The following PDE3A variants were observed in gnomAD, a reference collection of about 807,000 sequenced individuals.
PDE3A encodes phosphodiesterase 3A.
Under a neutral mutation model 98.3 loss-of-function variants are expected in PDE3A, and 43 were observed. That is an observed-to-expected ratio of 0.44 (90% CI 0.34 to 0.56). PDE3A has a LOEUF of 0.56. Ranked by LOEUF, PDE3A falls within the 20% of genes least tolerant of loss-of-function variation. PDE3A has a pLI of 0.01. For missense variants in PDE3A, 1,427 were observed against 1,440.7 expected (o/e 0.99, Z 0.15); for synonymous variants, 663 against 567.9 (o/e 1.17, Z -2.38).
At chr12:20,581,130 A>G (rs2121342735) in intron 2 of PDE3A, among the ~76,000 whole-genome samples, 1 of 152,342 alleles carries the variant, frequency 6.6e-6, no homozygotes, top group East Asian at 1.9e-4. Flanking sequence ...TTCTTTTAAA[A>G]TTATGAAAAG....
intron 15 of PDE3A, among the ~76,000 whole-genome samples, chr12:20,672,804 C>G (rs1945522427): frequency 1.5e-5 from 2 of 134,172 alleles, no homozygotes; most frequent in Non-Finnish European, 1.6e-5. Context: ...GACTTCATGT[C>G]TAAAACACCA....
At chr12:20,435,746 A>C (rs1156345560) in intron 1 of PDE3A, among the ~76,000 whole-genome samples, 1 of 152,188 alleles carries the variant, frequency 6.6e-6, no homozygotes, top group Admixed American at 6.5e-5. Flanking sequence ...AGAAATGCTC[A>C]GTTGTTTTTA....
chr12:20,593,285 C>T (rs12319835), intron 2 of PDE3A, among the ~76,000 whole-genome samples: 2,880 of 152,152 alleles, frequency 0.019, 76 homozygotes, highest in African/African-American at 0.065. Context: ...AGGGATGAGG[C>T]ATTAGTAGAG....
At chr12:20,677,841 T>C (rs551455220) in intron 15 of PDE3A, among the ~76,000 whole-genome samples, 1 of 152,246 alleles carries the variant, frequency 6.6e-6, no homozygotes, top group South Asian at 2.1e-4. Context: ...GTGCAGGCAG[T>C]AGCATAGTCT....
chr12:20,578,792 A>AT (rs1942999910), intron 2 of PDE3A, among the ~76,000 whole-genome samples: 1 of 152,098 alleles, frequency 6.6e-6, no homozygotes, highest in Non-Finnish European at 1.5e-5. Flanking sequence ...ATGATCACCT[A>AT]TAAAGTGAGC....
intron 9 of PDE3A, among the ~76,000 whole-genome samples, chr12:20,638,887 G>A (rs1443422338): frequency 6.6e-6 from 1 of 151,834 alleles, no homozygotes; most frequent in Non-Finnish European, 1.5e-5. Context: ...TCTTATAGAA[G>A]AAGAAACTAA....
intron 1 of PDE3A, among the ~76,000 whole-genome samples, chr12:20,474,788 T>G (rs1354704342): frequency 6.6e-6 from 1 of 152,158 alleles, no homozygotes; most frequent in Non-Finnish European, 1.5e-5. Flanking sequence ...CACTGGGGAT[T>G]ATATTTAGGC....
chr12:20,501,506 T>G (rs949933373), intron 1 of PDE3A, among the ~76,000 whole-genome samples: 1 of 152,170 alleles, frequency 6.6e-6, no homozygotes, highest in African/African-American at 2.4e-5. Context: ...ACAACCTTGT[T>G]TGTGCCAAGT....
chr12:20,463,460 G>T (rs1333853381), intron 1 of PDE3A, among the ~76,000 whole-genome samples: 1 of 152,094 alleles, frequency 6.6e-6, no homozygotes, highest in East Asian at 1.9e-4. Flanking sequence ...TGTTATACTT[G>T]TTATTTATTG....
At chr12:20,387,697 A>G (rs1381182059) in intron 1 of PDE3A, among the ~76,000 whole-genome samples, 1 of 152,054 alleles carries the variant, frequency 6.6e-6, no homozygotes, top group Middle Eastern at 3.2e-3. Flanking sequence ...AAATTAGGAT[A>G]GCTGATTGCT....
chr12:20,401,952 T>C (rs1272235312), intron 1 of PDE3A, among the ~76,000 whole-genome samples: 1 of 152,216 alleles, frequency 6.6e-6, no homozygotes, highest in African/African-American at 2.4e-5. Context: ...TAAGTATATG[T>C]TATCTCATTA....
chr12:20,495,972 A>G (rs976403007), intron 1 of PDE3A, among the ~76,000 whole-genome samples: 27 of 152,218 alleles, frequency 1.8e-4, no homozygotes, highest in Admixed American at 1.5e-3. Context: ...TGTTAAAATA[A>G]ATCATTTAAT....
chr12:20,520,627 A>G (rs974970880), intron 1 of PDE3A, among the ~76,000 whole-genome samples: 3 of 152,208 alleles, frequency 2.0e-5, no homozygotes, highest in African/African-American at 7.2e-5. Flanking sequence ...GCTTATGAAA[A>G]CATAAAGTAG....
chr12:20,551,503 A>C (rs1383357189), intron 1 of PDE3A: 45 of 904,892 alleles, frequency 5.0e-5, no homozygotes, highest in Non-Finnish European at 7.0e-5. Context: ...TGGTGGAGCG[A>C]TTTGTCTGGT....
Position 20,634,915 on chromosome 12 carries a change from A to C in PDE3A, c.1860A>C (p.Gln620His). The C allele has an allele frequency of 1.2e-6, 2 of 1,609,712 alleles. No homozygotes were observed. The highest frequency in any genetic ancestry group is 1.7e-6 in the Non-Finnish European group (2 of 1,176,042). The change falls in exon 8 of 16, where the codon CAA becomes CAC. Residue 620 changes from glutamine (Q) to histidine (H), a missense_variant. Coordinates refer to ENST00000359062, the MANE Select transcript of PDE3A (RefSeq NM_000921.5). Reference protein sequence around the residue: ...RTPSRTDDTAQVTSDYETNNN... With the variant: ...RTPSRTDDTAHVTSDYETNNN... ...TTTTAATTGTAGATGACACTGCTCAAGTTACCTCTGATTATGAAACCAATA... is the reference window on the plus strand; with the variant it reads ...TTTTAATTGTAGATGACACTGCTCACGTTACCTCTGATTATGAAACCAATA...
chr12:20,397,168 A>G (rs950529803), intron 1 of PDE3A, among the ~76,000 whole-genome samples: 15 of 152,104 alleles, frequency 9.9e-5, no homozygotes, highest in Admixed American at 3.3e-4. Context: ...TTTAATTCTC[A>G]TTAGTACTCT....
At chr12:20,625,630 A>C (rs1479736985) in intron 5 of PDE3A, among the ~76,000 whole-genome samples, 3 of 152,190 alleles carry the variant, frequency 2.0e-5, no homozygotes, top group Admixed American at 1.3e-4. Context: ...TGTTCCATTA[A>C]AATTAAACTG....
chr12:20,463,263 A>G (rs898819274), intron 1 of PDE3A, among the ~76,000 whole-genome samples: 1 of 152,230 alleles, frequency 6.6e-6, no homozygotes, highest in Admixed American at 6.5e-5. Flanking sequence ...AAAGCAATAG[A>G]GTAGTTGTCA....
chr12:20,412,570 T>TA (rs1181774987), intron 1 of PDE3A, among the ~76,000 whole-genome samples: 1 of 152,172 alleles, frequency 6.6e-6, no homozygotes, highest in Non-Finnish European at 1.5e-5. Context: ...AAAACCCACC[T>TA]AAGTCAATAA....
Sources: gnomAD v4.1 joint callset for allele counts (sites outside exome capture counted in the v4.1 genomes callset) on GRCh38, gnomAD v4.1.1 for gene constraint, MANE v1.5 for transcripts, NCBI Gene and HGNC (gene_info 2026-07-23, HGNC 2026-07-21) for gene names.